The following SHF variants were observed in gnomAD, a reference collection of about 807,000 sequenced individuals.
SHF encodes SH2 domain-containing adapter protein F.
In SHF, 30 loss-of-function variants were observed where a neutral mutation model predicts 42.4. The observed-to-expected ratio is 0.71, with a 90% confidence interval of 0.53 to 0.96. The LOEUF (loss-of-function observed/expected upper bound fraction) is 0.96, where lower values mean the gene tolerates loss of function less well. Ranked by LOEUF, SHF falls within the 40% of genes least tolerant of loss-of-function variation. The pLI is 0.00. For synonymous variants in SHF, 264 were observed against 269.9 expected (o/e 0.98, Z 0.21); for missense variants, 598 against 634.0 (o/e 0.94, Z 0.61).
At chr15:45,192,358 ATTTTTTTTTTTTT>A (rs1193075020), upstream of SHF, among the ~76,000 whole-genome samples, 4 of 75,578 alleles carry the variant, frequency 5.3e-5, no homozygotes, top group Non-Finnish European at 7.6e-5. Context: ...CTGATTCCAG[ATTTTTTTTTTTTT>A]TTTTTTTTTT....
At position 45,199,253 on chromosome 15, in the gene SHF, C is replaced by T. The variant is rs950522989; in HGVS notation, c.-46-133G>A. On this transcript the variant is annotated intron_variant, in intron 1 of 7. Transcript: ENST00000290894. The stretch of plus-strand genomic sequence containing the variant: ...CCTGACTCCTCCTTCCGCAATGCTT[C>T]CGCCGTGCCAGGTGCCCACCTAGGC... The T allele has an allele frequency of 2.3e-5, 16 of 707,732 alleles. No homozygotes were observed. In the African/African-American group the frequency reaches 2.8e-4, roughly 12 times the overall value. The allele number at this position is 707,732 out of a possible 1,614,324, so 43.8% of individuals were successfully genotyped here.
chr15:45,199,159 G>A lies in SHF; in HGVS notation c.-46-39C>T, dbSNP rs749797742. 1.0e-5 allele frequency: 14 copies of A among 1,396,600 alleles called. No homozygotes were observed. In the Admixed American group the frequency reaches 3.1e-4, roughly 31 times the overall value. 86.5% of individuals were successfully genotyped at this position (1,396,600 alleles called of 1,614,324 possible). A position where few individuals can be genotyped will look rare whatever the true frequency, so the allele number is the denominator to read the frequency against. Reference sequence around the variant, plus strand: ...CCACGTAGAAAAAAATTCAGCAAACGCATCTCCCCATGTTCCCAACACCCA... The same window carrying A: ...CCACGTAGAAAAAAATTCAGCAAACACATCTCCCCATGTTCCCAACACCCA... On this transcript the variant is annotated intron_variant, in intron 1 of 7. Transcript: ENST00000290894.
At chr15:45,189,348 C>T (rs1282495697), upstream of SHF, among the ~76,000 whole-genome samples, 6 of 151,316 alleles carry the variant, frequency 4.0e-5, no homozygotes, top group Non-Finnish European at 1.5e-5. Flanking sequence ...CCCCTTTCCC[C>T]CACTGCCTCA....
chr15:45,200,559 T>G (rs560096167), intron 1 of SHF: 6 of 367,240 alleles, frequency 1.6e-5, no homozygotes, highest in African/African-American at 1.3e-4. Flanking sequence ...CCTTGCAATG[T>G]CATTGATTTG....
At chr15:45,171,748 A>T (rs1897499075) in intron 6 of SHF, 135 bp downstream of exon 6, 5 of 903,426 alleles carry the variant, frequency 5.5e-6, no homozygotes, top group Non-Finnish European at 8.4e-6. Flanking sequence ...AGTCTCAGAC[A>T]TCTCAGGACC....
Position 45,178,565 on chromosome 15 carries a change from C to T in SHF, c.499-259G>A, listed in dbSNP as rs567918031. 7.5e-4 allele frequency among the ~76,000 whole-genome samples: 103 copies of T among 137,058 alleles called. 1 individual carries two copies. In the South Asian group the frequency reaches 0.022, roughly 29 times the overall value. The allele number at this position is 137,058 out of a possible 152,430, so 89.9% of individuals were successfully genotyped here. On this transcript the variant is annotated intron_variant, in intron 1 of 6. Transcript: ENST00000690270. ...TTTTTTTTTTTTTGAGACAGAGTCTCACTCTGTCACCCAGGCTGGAGTGCA... is the reference window on the plus strand; with the variant it reads ...TTTTTTTTTTTTTGAGACAGAGTCTTACTCTGTCACCCAGGCTGGAGTGCA...
intron 4 of SHF, 62 bp from the exon 5 acceptor site, chr15:45,172,380 G>C (rs1448705049): frequency 1.4e-6 from 2 of 1,465,968 alleles, no homozygotes; most frequent in Non-Finnish European, 1.8e-6. Context: ...GGTCCCTATT[G>C]AATAGCCAGT....
At position 45,170,472 on chromosome 15, in the gene SHF, G is replaced by C. The variant is rs1033168757; in HGVS notation, c.1280+1411C>G. 32 of 1,277,884 alleles carry C rather than the reference G, an allele frequency of 2.5e-5. No individual in the cohort carries two copies. The African/African-American group carries it at 4.9e-4, about 20-fold the overall frequency. 79.2% of individuals were successfully genotyped at this position (1,277,884 alleles called of 1,614,324 possible). A position where few individuals can be genotyped will look rare whatever the true frequency, so the allele number is the denominator to read the frequency against. The stretch of plus-strand genomic sequence containing the variant: ...TTTGATTTTACAATTCAGACTCCTA[G>C]AGTATGACAGCTGGAAAAAAAGCGA... On this transcript the variant is annotated intron_variant, in intron 6 of 6. Coordinates refer to ENST00000690270, the MANE Select transcript of SHF (RefSeq NM_001394037.1).
chr15:45,194,230 AT>A (rs951766135), intron 2 of SHF, among the ~76,000 whole-genome samples: 2 of 151,326 alleles, frequency 1.3e-5, no homozygotes, highest in African/African-American at 2.4e-5. Flanking sequence ...CATGGAGTGA[AT>A]TTTTTTTTAA....
chr15:45,178,624 T>C (rs1897959064), intron 1 of SHF, among the ~76,000 whole-genome samples: 1 of 150,028 alleles, frequency 6.7e-6, no homozygotes, highest in South Asian at 2.1e-4. Flanking sequence ...AACTTCCATC[T>C]ACCGGGTTCA....
chr15:45,173,661 G>A lies in SHF; in HGVS notation c.903C>T (p.Asp301=). 6.4e-7 allele frequency: 1 copy of A among 1,551,660 alleles called. No homozygotes were observed. Among genetic ancestry groups the A allele is most frequent in the Non-Finnish European group, 8.7e-7 (1 of 1,146,974 alleles). ...LPWPPPVGQL[D]SSPSLPDGDR... is the part of the protein sequence containing the mutation. ...CCCCATCAGGCAGGGAGGGGCTGCT[G>A]TCCAGCTGTCCCACAGGTGGAGGCC... is the stretch of plus-strand genomic sequence containing the variant. The change falls in exon 4 of 7, where the codon GAC becomes GAT. Residue 301 remains aspartate (D), a synonymous_variant. Transcript: ENST00000690270.
At chr15:45,187,997 G>A, upstream of SHF, 2 of 668,790 alleles carry the variant, frequency 3.0e-6, no homozygotes, top group Non-Finnish European at 4.0e-6. Flanking sequence ...CGGGTGGGGG[G>A]CGGGGGCGGG....
chr15:45,170,418 T>C, intron 6 of SHF: 1 of 1,288,786 alleles, frequency 7.8e-7, no homozygotes, highest in Non-Finnish European at 1.0e-6. Flanking sequence ...AATCAAATTT[T>C]TGACAAAAAC....
At chr15:45,192,542 T>G (rs1898738440), upstream of SHF, among the ~76,000 whole-genome samples, 1 of 151,852 alleles carries the variant, frequency 6.6e-6, no homozygotes, top group East Asian at 1.9e-4. Context: ...TGATTTTAAT[T>G]TTGTATTTTC....
chr15:45,187,330 G>C, intron 1 of SHF, 124 bp downstream of exon 1: 1 of 960,880 alleles, frequency 1.0e-6, no homozygotes, highest in Non-Finnish European at 1.3e-6. Context: ...CGGGGTCAGG[G>C]GCTCGCGTCT....
At chr15:45,183,475 T>C (rs1196269675) in intron 1 of SHF, among the ~76,000 whole-genome samples, 1 of 152,246 alleles carries the variant, frequency 6.6e-6, no homozygotes. Flanking sequence ...AAGCTCCAAG[T>C]TGTGAAGCCC....
Position 45,187,768 on chromosome 15 carries a change from C to T in SHF, c.184G>A (p.Gly62Ser). Residue 62 changes from glycine to serine, a missense_variant, in exon 1 of 7, where the codon GGC becomes AGC. Coordinates refer to ENST00000690270, the MANE Select transcript of SHF (RefSeq NM_001394037.1). ...GCCGGCTTGCTGCCCCCTCCGCCGCCGCCCCCCCCGCGGAAGCCCAGGTGC... is the reference window on the plus strand; with the variant it reads ...GCCGGCTTGCTGCCCCCTCCGCCGCTGCCCCCCCCGCGGAAGCCCAGGTGC... ...REHLGFRGGG[G>S]GGGGSKPAPP... The T allele has an allele frequency of 1.1e-6, 1 of 905,510 alleles. No homozygotes were observed. The highest frequency in any genetic ancestry group is 1.4e-6 in the Non-Finnish European group (1 of 699,262). 56.1% of individuals were successfully genotyped at this position (905,510 alleles called of 1,614,324 possible). A position where few individuals can be genotyped will look rare whatever the true frequency, so the allele number is the denominator to read the frequency against.
intron 2 of SHF, among the ~76,000 whole-genome samples, chr15:45,194,883 C>A (rs918693266): frequency 6.6e-6 from 1 of 152,124 alleles, no homozygotes; most frequent in Non-Finnish European, 1.5e-5. Context: ...AGGCTGAGTA[C>A]AGTGGTGTGA....
At chr15:45,169,921 G>A (rs1897383278) in intron 6 of SHF, among the ~76,000 whole-genome samples, 2 of 152,260 alleles carry the variant, frequency 1.3e-5, no homozygotes, top group Non-Finnish European at 2.9e-5. Flanking sequence ...TTAATTACCA[G>A]TGAAAGCTCT....
Sources: allele counts gnomAD v4.1 joint callset (sites outside exome capture counted in the v4.1 genomes callset), GRCh38; gene constraint gnomAD v4.1.1; transcripts MANE v1.5; gene names NCBI Gene and HGNC (gene_info 2026-07-23, HGNC 2026-07-21).